ATXN2: variants seen among roughly 807,000 people sequenced by gnomAD.
ATXN2 encodes ataxin 2.
ATXN2 carries 37 observed loss-of-function variants against 138.6 expected under a neutral mutation model. That is an observed-to-expected ratio of 0.27 (90% CI 0.21 to 0.35). The LOEUF (loss-of-function observed/expected upper bound fraction) is 0.35. Among genes scored for constraint, ATXN2 ranks in the 10% least tolerant of loss-of-function variants. ATXN2 has a pLI of 1.00. For synonymous variants in ATXN2, 549 were observed against 543.7 expected, an observed-to-expected ratio of 1.01 and a Z score of -0.13; for missense variants, 1,216 against 1,480.3, an observed-to-expected ratio of 0.82 and a Z score of 2.93.
At chr12:111,562,807 T>C (rs767555656) in intron 1 of ATXN2, among the ~76,000 whole-genome samples, 24 of 151,434 alleles carry the variant, frequency 1.6e-4, no homozygotes, top group Non-Finnish European at 3.4e-4. Flanking sequence ...TAAATAACTG[T>C]TTCAGGCAAA....
At chr12:111,576,027 AGCCGAGATCAT>A in intron 1 of ATXN2, among the ~76,000 whole-genome samples, 1 of 152,196 alleles carries the variant, frequency 6.6e-6, no homozygotes, top group Non-Finnish European at 1.5e-5. Flanking sequence ...GGTTGCAGTA[AGCCGAGATCAT>A]GCCGCTGCAC....
At chr12:111,497,542 T>A (rs1237052207) in intron 14 of ATXN2, among the ~76,000 whole-genome samples, 1 of 152,022 alleles carries the variant, frequency 6.6e-6, no homozygotes, top group Non-Finnish European at 1.5e-5. Context: ...GTGGGATTCA[T>A]CCCAGGGATG....
chr12:111,564,764 A>C (rs1467140282), intron 1 of ATXN2: 1 of 152,198 alleles, frequency 6.6e-6, no homozygotes, highest in Non-Finnish European at 1.5e-5. Flanking sequence ...TCTTTTAAAA[A>C]CTGAAAGATA....
intron 5 of ATXN2, among the ~76,000 whole-genome samples, chr12:111,550,595 C>T (rs963279580): frequency 6.6e-6 from 1 of 152,042 alleles, no homozygotes; most frequent in African/African-American, 2.4e-5. Flanking sequence ...TAATTTAGTG[C>T]TCCTAGACAT....
intron 1 of ATXN2, among the ~76,000 whole-genome samples, chr12:111,561,192 A>T (rs1233102883): frequency 6.6e-6 from 1 of 151,808 alleles, no homozygotes; most frequent in African/African-American, 2.4e-5. Flanking sequence ...CTCAAAAAAA[A>T]AAAATAAATG....
intron 5 of ATXN2, among the ~76,000 whole-genome samples, chr12:111,549,692 C>T (rs895703697): frequency 6.6e-6 from 1 of 152,170 alleles, no homozygotes; most frequent in African/African-American, 2.4e-5. Context: ...ATGTCCTAAA[C>T]ACATGACTTA....
intron 1 of ATXN2, among the ~76,000 whole-genome samples, chr12:111,574,308 CAAAAAAAAA>C (rs997437123): frequency 3.1e-4 from 10 of 32,588 alleles, no homozygotes; most frequent in South Asian, 1.6e-3. Context: ...ACTCTGTCTC[CAAAAAAAAA>C]AAAAAAAAAA....
chr12:111,536,095 T>G (rs1276451383), intron 5 of ATXN2, among the ~76,000 whole-genome samples: 3 of 152,072 alleles, frequency 2.0e-5, no homozygotes, highest in Admixed American at 6.5e-5. Context: ...CCAACTTTAT[T>G]CTGTAAACAA....
intron 2 of ATXN2, among the ~76,000 whole-genome samples, chr12:111,555,666 A>C (rs1050620906): frequency 6.6e-6 from 1 of 152,202 alleles, no homozygotes; most frequent in South Asian, 2.1e-4. Flanking sequence ...GTATATCTTT[A>C]TTAGCAGTGT....
At position 111,470,118 on chromosome 12, in the gene ATXN2, A is replaced by C; in HGVS notation, c.2832T>G (p.His944Gln). 6.2e-7 allele frequency: 1 copy of C among 1,614,012 alleles called. No homozygotes were observed. The highest frequency in any genetic ancestry group is 1.1e-5 in the South Asian group (1 of 91,052). ...ATQYGAHEQT[H>Q]AMYACPKLPY... ...CAAAGTGCTTCCTACCATACATCGC[A>C]TGCGTCTGCTCATGAGCCCCGTACT... The change falls in exon 20 of 25, where the codon CAT (histidine) becomes CAG (glutamine). Residue 944 changes from histidine to glutamine, a missense_variant. By Grantham distance (24) the His-to-Gln change is conservative (BLOSUM62 0). This residue lies in a region of ATXN2 where 490 missense variants were observed against 653.5 expected (regional missense o/e 0.75). Transcript: ENST00000673436.
chr12:111,527,088 C>T (rs531709639), intron 5 of ATXN2, among the ~76,000 whole-genome samples: 2 of 152,350 alleles, frequency 1.3e-5, no homozygotes, highest in South Asian at 4.1e-4. Context: ...GCTGACCATA[C>T]TGCTGTCTGG....
intron 20 of ATXN2, among the ~76,000 whole-genome samples, chr12:111,465,886 G>A (rs1432688161): frequency 6.9e-6 from 1 of 145,166 alleles, no homozygotes; most frequent in African/African-American, 2.9e-5. Context: ...CATCAAAGAG[G>A]CCGGGGCAGT....
chr12:111,463,556 C>A (rs1383457892), intron 21 of ATXN2, among the ~76,000 whole-genome samples: 1 of 152,024 alleles, frequency 6.6e-6, no homozygotes, highest in Non-Finnish European at 1.5e-5. Flanking sequence ...GGATTACAGG[C>A]GTGAGCCACC....
chr12:111,489,188 A>C (rs1184601155), intron 14 of ATXN2, among the ~76,000 whole-genome samples: 1 of 126,422 alleles, frequency 7.9e-6, no homozygotes, highest in East Asian at 1.9e-4. Flanking sequence ...GTTTCTCAGT[A>C]AAGTGTCAGC....
At chr12:111,468,401 C>T (rs1463833340) in intron 20 of ATXN2, 1 of 152,168 alleles carries the variant, frequency 6.6e-6, no homozygotes, top group Non-Finnish European at 1.5e-5. Context: ...ATCCACAATA[C>T]AAAATTGAAA....
intron 5 of ATXN2, among the ~76,000 whole-genome samples, chr12:111,537,147 C>T (rs1881233805): frequency 6.6e-6 from 1 of 151,950 alleles, no homozygotes; most frequent in Non-Finnish European, 1.5e-5. Context: ...AAGGTGGAAA[C>T]AATGAAAATG....
chr12:111,535,284 A>C (rs1365371186), intron 5 of ATXN2, among the ~76,000 whole-genome samples: 1 of 152,220 alleles, frequency 6.6e-6, no homozygotes, highest in African/African-American at 2.4e-5. Context: ...CTAAAACTCT[A>C]GTTAGTAAGG....
intron 5 of ATXN2, among the ~76,000 whole-genome samples, chr12:111,535,577 G>A (rs1158431096): frequency 7.3e-5 from 11 of 151,562 alleles, no homozygotes; most frequent in African/African-American, 1.7e-4. Flanking sequence ...AGCCAAGATC[G>A]CGCCACTGCA....
At chr12:111,542,731 A>G in intron 5 of ATXN2, among the ~76,000 whole-genome samples, 1 of 152,150 alleles carries the variant, frequency 6.6e-6, no homozygotes, top group South Asian at 2.1e-4. Flanking sequence ...AAAAGTGTTG[A>G]AATTACAGGC....
Sources: allele counts gnomAD v4.1 joint callset (sites outside exome capture counted in the v4.1 genomes callset), GRCh38; gene constraint gnomAD v4.1.1; regional missense constraint gnomAD v4.1.1; transcripts MANE v1.5; gene names NCBI Gene and HGNC (gene_info 2026-07-23, HGNC 2026-07-21).